IMMP2L: variants seen among roughly 807,000 people sequenced by gnomAD.
The protein encoded by IMMP2L is inner mitochondrial membrane peptidase subunit 2.
A neutral mutation model predicts 19.3 loss-of-function variants in IMMP2L; 18 were observed. That is an observed-to-expected ratio of 0.93 (90% CI 0.64 to 1.38). The LOEUF (loss-of-function observed/expected upper bound fraction) is 1.38, where lower values mean the gene tolerates loss of function less well. IMMP2L is among the 40% of genes most tolerant of loss of function. IMMP2L has a pLI of 0.00. For synonymous variants in IMMP2L, 76 were observed against 73.0 expected (o/e 1.04, Z -0.21); for missense variants, 233 against 218.2 (o/e 1.07, Z -0.43).
intron 3 of IMMP2L, among the ~76,000 whole-genome samples, chr7:111,093,887 CT>C (rs1235871223): frequency 6.6e-6 from 1 of 152,108 alleles, no homozygotes; most frequent in Non-Finnish European, 1.5e-5. Context: ...CAGGGTGTCG[CT>C]TGTCACAGGC....
In IMMP2L at chr7:111,173,337, C is replaced by T. The variant is rs147402427; in HGVS notation, c.240-209772G>A. Among the ~76,000 whole-genome samples the T allele has an allele frequency of 5.4e-3, 824 of 151,628 alleles. 7 individuals carry two copies. Among genetic ancestry groups the T allele is most frequent in the Non-Finnish European group, 9.6e-3 (648 of 67,650 alleles). ...AAAAAATCATTGCTAAAACAACTTT[C>T]TACCTGAAAAAAATTAATTAACAAT... On this transcript the variant is annotated intron_variant, in intron 3 of 5. Coordinates refer to ENST00000405709, the MANE Select transcript of IMMP2L (RefSeq NM_032549.4).
chr7:111,062,789 C>A (rs1474683397), intron 3 of IMMP2L, among the ~76,000 whole-genome samples: 2 of 152,242 alleles, frequency 1.3e-5, no homozygotes, highest in African/African-American at 4.8e-5. Flanking sequence ...AAATGATCTC[C>A]TTTGACCCCA....
chr7:111,323,433 C>A (rs149456870), intron 3 of IMMP2L, among the ~76,000 whole-genome samples: 7,002 of 152,010 alleles, frequency 0.046, 217 homozygotes, highest in South Asian at 0.078. Context: ...AATCAAAACC[C>A]CAATGAGATA....
At chr7:111,079,094 T>C (rs1795660591) in intron 3 of IMMP2L, among the ~76,000 whole-genome samples, 1 of 152,136 alleles carries the variant, frequency 6.6e-6, no homozygotes, top group African/African-American at 2.4e-5. Flanking sequence ...ACATGTTTCA[T>C]TGAATTAAAT....
At chr7:111,367,571 T>C (rs969848943) in intron 3 of IMMP2L, among the ~76,000 whole-genome samples, 1 of 151,956 alleles carries the variant, frequency 6.6e-6, no homozygotes, top group Non-Finnish European at 1.5e-5. Flanking sequence ...TGCCAGGCAC[T>C]ATGCTAATAA....
chr7:110,975,496 C>A lies in IMMP2L; in HGVS notation c.240-11931G>T, dbSNP rs144780632. Among the ~76,000 whole-genome samples, 1,410 of 152,212 alleles carry A rather than the reference C, an allele frequency of 9.3e-3. 35 individuals carry two copies. Among genetic ancestry groups the A allele is most frequent in the Admixed American group, 0.045 (684 of 15,272 alleles). The stretch of plus-strand genomic sequence containing the variant: ...TTTCACCTCCACCTTTCTTTAAGTG[C>A]TGAAAAGCTCAATTGCTTTATTACC... On this transcript the variant is annotated intron_variant, in intron 3 of 5. Transcript: ENST00000405709.
At chr7:111,198,966 A>G (rs1218123640) in intron 3 of IMMP2L, among the ~76,000 whole-genome samples, 1 of 152,102 alleles carries the variant, frequency 6.6e-6, no homozygotes, top group Admixed American at 6.5e-5. Context: ...AGATCTGGAA[A>G]ACTGTTTCAG....
At chr7:111,503,010 CA>C (rs879661764) in intron 2 of IMMP2L, among the ~76,000 whole-genome samples, 11 of 151,102 alleles carry the variant, frequency 7.3e-5, no homozygotes, top group Admixed American at 2.0e-4. Context: ...AAAAACCCTT[CA>C]AAAAATTAAT....
At chr7:110,925,515 A>G (rs1208240941) in intron 4 of IMMP2L, among the ~76,000 whole-genome samples, 1 of 152,164 alleles carries the variant, frequency 6.6e-6, no homozygotes, top group East Asian at 1.9e-4. Flanking sequence ...TCTGAGATGA[A>G]AAGATACGAG....
At chr7:111,116,486 A>C (rs1400922409) in intron 3 of IMMP2L, among the ~76,000 whole-genome samples, 1 of 152,154 alleles carries the variant, frequency 6.6e-6, no homozygotes, top group Non-Finnish European at 1.5e-5. Flanking sequence ...TTACTATATA[A>C]ATTTTGAACA....
At chr7:111,504,082 A>G (rs1447648163) in intron 2 of IMMP2L, among the ~76,000 whole-genome samples, 1 of 152,174 alleles carries the variant, frequency 6.6e-6, no homozygotes, top group Non-Finnish European at 1.5e-5. Context: ...CTATTGTCTC[A>G]GCCCAAAATC....
At position 111,556,018 on chromosome 7, in the gene IMMP2L, G is replaced by GTATATATATATATA. The variant is rs1554550149; in HGVS notation, c.-3+5819_-3+5832dup. Among the ~76,000 whole-genome samples, 1,479 of 91,118 alleles carry GTATATATATATATA rather than the reference G, an allele frequency of 0.016. 213 individuals carry two copies. The East Asian group carries it at 0.17, about 11-fold the overall frequency. The allele number at this position is 91,118 out of a possible 152,430, so 59.8% of individuals were successfully genotyped here. On this transcript the variant is annotated intron_variant, in intron 1 of 5. Transcript: ENST00000405709. ...TTAGCCATCCCTCTTCTGTGTGCAT[G>GTATATATATATATA]TATATATATATATATATACATACCC...
intron 5 of IMMP2L, among the ~76,000 whole-genome samples, chr7:110,806,412 A>G (rs1801643270): frequency 2.6e-5 from 4 of 152,026 alleles, no homozygotes; most frequent in African/African-American, 7.2e-5. Flanking sequence ...AGGGCTATTG[A>G]AGGAAGATAT....
At chr7:111,417,704 AG>A (rs1835085823) in intron 3 of IMMP2L, among the ~76,000 whole-genome samples, 1 of 151,932 alleles carries the variant, frequency 6.6e-6, no homozygotes, top group African/African-American at 2.4e-5. Flanking sequence ...TCTTCCAATA[AG>A]GAGACATGAA....
At chr7:111,136,409 C>A (rs1454979476) in intron 3 of IMMP2L, among the ~76,000 whole-genome samples, 1 of 151,212 alleles carries the variant, frequency 6.6e-6, no homozygotes, top group Admixed American at 6.6e-5. Context: ...TCTTTCTAAT[C>A]TTAACCAATT....
At chr7:111,348,784 A>C (rs544263568) in intron 3 of IMMP2L, among the ~76,000 whole-genome samples, 1 of 152,086 alleles carries the variant, frequency 6.6e-6, no homozygotes, top group African/African-American at 2.4e-5. Context: ...GTACAAAATG[A>C]ACCTGTGCCA....
chr7:111,405,279 T>G (rs945366831), intron 3 of IMMP2L, among the ~76,000 whole-genome samples: 8 of 152,086 alleles, frequency 5.3e-5, no homozygotes, highest in African/African-American at 1.9e-4. Flanking sequence ...TTCTCTGCTT[T>G]TACTGCTCCC....
intron 5 of IMMP2L, among the ~76,000 whole-genome samples, chr7:110,869,976 G>C (rs1808376433): frequency 6.6e-6 from 1 of 152,044 alleles, no homozygotes; most frequent in Non-Finnish European, 1.5e-5. Flanking sequence ...TTGCCCTGTA[G>C]ATAAGACAAT....
At chr7:111,088,344 C>G (rs1051640153) in intron 3 of IMMP2L, among the ~76,000 whole-genome samples, 5 of 151,968 alleles carry the variant, frequency 3.3e-5, no homozygotes, top group Non-Finnish European at 7.4e-5. Flanking sequence ...TCTAGGAAAC[C>G]CTGTAGACAT....
Sources: gnomAD v4.1 joint callset for allele counts (sites outside exome capture counted in the v4.1 genomes callset) on GRCh38, gnomAD v4.1.1 for gene constraint, MANE v1.5 for transcripts, NCBI Gene and HGNC (gene_info 2026-07-23, HGNC 2026-07-21) for gene names.